HS6ST3: variants seen among roughly 807,000 people sequenced by gnomAD.
HS6ST3 encodes the protein heparan sulfate 6-O-sulfotransferase 3, also known as heparan-sulfate 6-O-sulfotransferase 3.
A neutral mutation model predicts 36.7 loss-of-function variants in HS6ST3; 12 were observed. The ratio of observed to expected loss-of-function variants is 0.33; its 90% CI spans 0.21 to 0.53. HS6ST3 has a LOEUF of 0.53. Among genes scored for constraint, HS6ST3 ranks in the 20% least tolerant of loss-of-function variants. The pLI is 0.95. For synonymous variants in HS6ST3, 240 were observed against 257.5 expected (o/e 0.93, Z 0.65); for missense variants, 584 against 640.9 (o/e 0.91, Z 0.96).
intron 1 of HS6ST3, among the ~76,000 whole-genome samples, chr13:96,353,237 T>C (rs1407531499): frequency 1.3e-5 from 2 of 151,864 alleles, no homozygotes; most frequent in Admixed American, 1.3e-4. Flanking sequence ...TTTCACCATG[T>C]TGTCCAGGAT....
At chr13:96,150,392 G>C in intron 1 of HS6ST3, among the ~76,000 whole-genome samples, 1 of 152,044 alleles carries the variant, frequency 6.6e-6, no homozygotes, top group Middle Eastern at 3.2e-3. Context: ...GACTCTATCG[G>C]GAACTGGCAG....
chr13:96,670,523 G>A (rs2056679492), intron 1 of HS6ST3, among the ~76,000 whole-genome samples: 1 of 152,030 alleles, frequency 6.6e-6, no homozygotes, highest in Admixed American at 6.6e-5. Flanking sequence ...AGGAGAAATG[G>A]TGATGCTGGA....
At chr13:96,755,040 C>T (rs905799127) in intron 1 of HS6ST3, among the ~76,000 whole-genome samples, 2 of 151,862 alleles carry the variant, frequency 1.3e-5, no homozygotes, top group East Asian at 3.9e-4. Context: ...GTGAGATGCA[C>T]AGATCTTAAG....
chr13:96,500,748 G>A (rs1278759747), intron 1 of HS6ST3, among the ~76,000 whole-genome samples: 1 of 152,190 alleles, frequency 6.6e-6, no homozygotes, highest in East Asian at 1.9e-4. Context: ...ATCACTCTGT[G>A]ACATGTATTT....
chr13:96,714,718 A>T (rs1345731257), intron 1 of HS6ST3, among the ~76,000 whole-genome samples: 6 of 152,118 alleles, frequency 3.9e-5, no homozygotes, highest in Non-Finnish European at 7.4e-5. Flanking sequence ...TTGTTTTTTA[A>T]AAAAGGGTCT....
chr13:96,197,844 A>G (rs1051341504), intron 1 of HS6ST3, among the ~76,000 whole-genome samples: 1 of 152,016 alleles, frequency 6.6e-6, no homozygotes, highest in South Asian at 2.1e-4. Flanking sequence ...TGGTGGATCT[A>G]CCATTCTGGG....
chr13:96,327,338 T>C (rs1481682609), intron 1 of HS6ST3, among the ~76,000 whole-genome samples: 1 of 152,110 alleles, frequency 6.6e-6, no homozygotes, highest in Non-Finnish European at 1.5e-5. Flanking sequence ...CTTTAATCCA[T>C]CTTCAATTGA....
chr13:96,166,333 T>A (rs557801679), intron 1 of HS6ST3, among the ~76,000 whole-genome samples: 1 of 152,230 alleles, frequency 6.6e-6, no homozygotes, highest in South Asian at 2.1e-4. Context: ...CCTTGGTTCC[T>A]ACTGTAGCCC....
chr13:96,269,877 C>G (rs1307035287), intron 1 of HS6ST3, among the ~76,000 whole-genome samples: 1 of 151,804 alleles, frequency 6.6e-6, no homozygotes, highest in Non-Finnish European at 1.5e-5. Context: ...TTCGTTGAGC[C>G]CAGCTTCTCT....
intron 1 of HS6ST3, among the ~76,000 whole-genome samples, chr13:96,500,063 A>G (rs1443200342): frequency 2.0e-5 from 3 of 152,130 alleles, no homozygotes; most frequent in African/African-American, 7.2e-5. Context: ...GGAGCCGTAT[A>G]CTTGTTAGTG....
intron 1 of HS6ST3, among the ~76,000 whole-genome samples, chr13:96,443,804 A>G (rs575137956): frequency 6.6e-6 from 1 of 152,304 alleles, no homozygotes; most frequent in South Asian, 2.1e-4. Context: ...ATGGCAAAGT[A>G]AGTACTTGTT....
chr13:96,192,409 A>G lies in HS6ST3; in HGVS notation c.707+100840A>G, dbSNP rs555795221. 7.9e-5 allele frequency among the ~76,000 whole-genome samples: 12 copies of G among 152,214 alleles called. 1 individual carries two copies. The highest frequency in any genetic ancestry group is 2.9e-4 in the African/African-American group (12 of 41,526). ...CCATTACTGAAATAGTGAACATTGT[A>G]TCCAATAGACGCTTTTTCAACCTTT... On this transcript the variant is annotated intron_variant, in intron 1 of 1. Coordinates refer to ENST00000376705, the MANE Select transcript of HS6ST3 (RefSeq NM_153456.4).
intron 1 of HS6ST3, among the ~76,000 whole-genome samples, chr13:96,816,896 G>T (rs1218899654): frequency 2.0e-5 from 3 of 152,130 alleles, no homozygotes; most frequent in African/African-American, 7.2e-5. Context: ...AGGGTGCTAG[G>T]TCGTGTTCTC....
At chr13:96,343,655 T>C (rs1442480319) in intron 1 of HS6ST3, among the ~76,000 whole-genome samples, 1 of 152,214 alleles carries the variant, frequency 6.6e-6, no homozygotes, top group Non-Finnish European at 1.5e-5. Flanking sequence ...CCCATTGTGT[T>C]TTTTTCTTCT....
intron 1 of HS6ST3, among the ~76,000 whole-genome samples, chr13:96,613,654 GTTTT>G (rs907284834): frequency 2.6e-5 from 4 of 152,242 alleles, no homozygotes; most frequent in African/African-American, 9.6e-5. Flanking sequence ...TATCATTTAA[GTTTT>G]TTTAAGTTCT....
At chr13:96,355,264 A>G (rs1359616650) in intron 1 of HS6ST3, among the ~76,000 whole-genome samples, 1 of 152,018 alleles carries the variant, frequency 6.6e-6, no homozygotes, top group African/African-American at 2.4e-5. Context: ...TATCACCCTG[A>G]ACAGGAGTTT....
chr13:96,399,932 C>T (rs1000364921), intron 1 of HS6ST3, among the ~76,000 whole-genome samples: 2 of 152,180 alleles, frequency 1.3e-5, no homozygotes, highest in Admixed American at 1.3e-4. Flanking sequence ...TAATTTACTA[C>T]GTCAGTCCTG....
intron 1 of HS6ST3, among the ~76,000 whole-genome samples, chr13:96,824,184 T>A (rs1407328331): frequency 6.6e-6 from 1 of 152,150 alleles, no homozygotes; most frequent in East Asian, 1.9e-4. Context: ...AAAATAAAAA[T>A]GCCTGAGCCC....
intron 1 of HS6ST3, among the ~76,000 whole-genome samples, chr13:96,715,682 G>A (rs1875678038): frequency 6.6e-6 from 1 of 151,938 alleles, no homozygotes; most frequent in Admixed American, 6.6e-5. Context: ...TCCACTAATT[G>A]AAACATTATC....
Sources: allele counts gnomAD v4.1 joint callset (sites outside exome capture counted in the v4.1 genomes callset), GRCh38; gene constraint gnomAD v4.1.1; transcripts MANE v1.5; gene names NCBI Gene and HGNC (gene_info 2026-07-23, HGNC 2026-07-21).